The following EIF2A variants were observed in gnomAD, a reference collection of about 807,000 sequenced individuals.
EIF2A encodes the protein 65 kDa eukaryotic translation initiation factor 2A.
EIF2A carries 62 observed loss-of-function variants against 75.2 expected under a neutral mutation model. The ratio of observed to expected loss-of-function variants is 0.82; its 90% CI spans 0.67 to 1.02. EIF2A has a LOEUF of 1.02. Ranked by LOEUF, EIF2A falls within the 50% of genes least tolerant of loss-of-function variation. The probability of loss-of-function intolerance (pLI) is 0.00; values close to 1 mark genes in which losing one functional copy is unlikely to be tolerated. For synonymous variants in EIF2A, 207 were observed against 239.0 expected, an observed-to-expected ratio of 0.87 and a Z score of 1.23; for missense variants, 611 against 677.7, an observed-to-expected ratio of 0.90 and a Z score of 1.09.
chr3:150,546,811 G>A lies in EIF2A; in HGVS notation c.9G>A (p.Pro3=), dbSNP rs749230981. 2 of 1,612,428 alleles carry A rather than the reference G, an allele frequency of 1.2e-6. No homozygotes were observed. Among genetic ancestry groups the A allele is most frequent in the Admixed American group, 1.7e-5 (1 of 60,036 alleles). The stretch of plus-strand genomic sequence containing the variant: ...TCTCTTTCCGGGACAACATGGCGCC[G>A]TCCACGCCGCTCTTGACAGGTGAGT... The part of the protein sequence containing the change: MA[P]STPLLTVRGS... Residue 3 remains proline (P), a synonymous_variant, in exon 1 of 14, where the codon CCG becomes CCA. Coordinates refer to ENST00000460851, the MANE Select transcript of EIF2A (RefSeq NM_032025.5).
intron 6 of EIF2A, chr3:150,565,049 CTCTA>C (rs1395318010): frequency 2.2e-5 from 8 of 369,588 alleles, no homozygotes; most frequent in African/African-American, 1.3e-4. Flanking sequence ...TAAGTTCCCA[CTCTA>C]TCTGTTATTT....
intron 3 of EIF2A, among the ~76,000 whole-genome samples, chr3:150,562,160 C>G (rs925846868): frequency 6.6e-6 from 1 of 151,982 alleles, no homozygotes; most frequent in African/African-American, 2.4e-5. Context: ...TGGTGGCTCA[C>G]GCCTGTAATC....
chr3:150,553,247 C>A (rs993091640), intron 2 of EIF2A, among the ~76,000 whole-genome samples: 2 of 151,096 alleles, frequency 1.3e-5, no homozygotes, highest in Non-Finnish European at 2.9e-5. Context: ...CGCTTGAAAC[C>A]CGGAGGTGGA....
Position 150,571,963 on chromosome 3 carries a change from A to C in EIF2A, c.817A>C (p.Asn273His), listed in dbSNP as rs755744018. 99 of 1,595,592 alleles carry C rather than the reference A, an allele frequency of 6.2e-5. No homozygotes were observed. The highest frequency in any genetic ancestry group is 8.0e-5 in the Non-Finnish European group (94 of 1,173,050). Reference protein sequence around the residue: ...GESAVVQLPKNGPIYDVVWNS... With the variant: ...GESAVVQLPKHGPIYDVVWNS... ...GCTTTATATTCTTTTTCTAGCAAAA[A>C]ATGGCCCCATTTATGATGTAGTTTG... Residue 273 changes from asparagine (N) to histidine (H), a missense_variant, in exon 10 of 14, where the codon AAT becomes CAT. Physicochemically the swap from Asn to His is moderately conservative, Grantham distance 68. Transcript: ENST00000460851.
At chr3:150,559,249 T>A (rs1205608345) in intron 3 of EIF2A, among the ~76,000 whole-genome samples, 1 of 152,220 alleles carries the variant, frequency 6.6e-6, no homozygotes, top group Non-Finnish European at 1.5e-5. Context: ...ACTTGCTTTT[T>A]AAAAATTGAC....
Position 150,584,903 on chromosome 3 carries a change from G to A in EIF2A, c.*992G>A, listed in dbSNP as rs1725386976. On this transcript the variant is annotated 3_prime_UTR_variant, in exon 14 of 14. Coordinates refer to ENST00000460851, the MANE Select transcript of EIF2A (RefSeq NM_032025.5). ...TTTTTCTAATTCAAAAAATACAAAG[G>A]CATGCAATGAAAATTAAGTCTGTTC... 6.6e-6 allele frequency among the ~76,000 whole-genome samples: 1 copy of A among 151,320 alleles called. No homozygotes were observed.
intron 10 of EIF2A, among the ~76,000 whole-genome samples, chr3:150,572,874 A>C (rs1026670129): frequency 1.3e-4 from 19 of 148,368 alleles, no homozygotes; most frequent in Non-Finnish European, 2.1e-4. Flanking sequence ...AAAAAAAAAC[A>C]ACCTTTCTCT....
chr3:150,583,220 A>G lies in EIF2A; in HGVS notation c.1647A>G (p.Gln549=). Residue 549 remains glutamine (Q), a synonymous_variant, in exon 13 of 14, where the codon CAA becomes CAG. Transcript: ENST00000460851. ...NLKKKLKAIE[Q]LKEQAATGKQ... is the part of the protein sequence containing the mutation. ...TGCAGAAACTGAAAGCAATCGAACA[A>G]CTGAAAGAACAAGCAGCAACTGGAA... 3 of 1,612,988 alleles carry G rather than the reference A, an allele frequency of 1.9e-6. No homozygotes were observed. The African/African-American group carries it at 4.0e-5, about 22-fold the overall frequency.
At chr3:150,556,442 G>T (rs181904824) in intron 2 of EIF2A, among the ~76,000 whole-genome samples, 9 of 152,216 alleles carry the variant, frequency 5.9e-5, no homozygotes, top group African/African-American at 2.2e-4. Flanking sequence ...CCAAGTATTG[G>T]GTATTAAATG....
rs143255057 is a variant in EIF2A at position 150,569,720 on chromosome 3, C to T, written c.811+1428C>T. ...ATCCTAGCTACTCGGGAGGCTGAGG[C>T]ATGAGAATTGCTTGAACCCAGGAGT... On this transcript the variant is annotated intron_variant, in intron 9 of 13. Transcript: ENST00000460851. 1.2e-3 allele frequency among the ~76,000 whole-genome samples: 189 copies of T among 151,876 alleles called. 2 individuals are homozygous for T. The highest frequency in any genetic ancestry group is 0.01 in the East Asian group (54 of 5,154).
At chr3:150,580,957 TA>T (rs964928617) in intron 11 of EIF2A, among the ~76,000 whole-genome samples, 4 of 152,210 alleles carry the variant, frequency 2.6e-5, no homozygotes, top group Non-Finnish European at 5.9e-5. Flanking sequence ...ATTTTCCATG[TA>T]ATATTTTTGG....
chr3:150,555,083 A>T (rs1190453221), intron 2 of EIF2A, among the ~76,000 whole-genome samples: 1 of 151,936 alleles, frequency 6.6e-6, no homozygotes. Flanking sequence ...GCATGCCACC[A>T]TGCCTGGCTA....
rs569901741 is a variant in EIF2A, at chr3:150,561,935, T to C, written c.174-607T>C. 7.9e-5 allele frequency among the ~76,000 whole-genome samples: 12 copies of C among 151,800 alleles called. No individual in the cohort carries two copies. In the South Asian group the frequency reaches 1.9e-3, roughly 24 times the overall value. ...TGCCACGCCCGGCTAATTTTTGTAGTGTTAGTAGAGACAGAGGTTCTCCAT... is the reference window on the plus strand; with the variant it reads ...TGCCACGCCCGGCTAATTTTTGTAGCGTTAGTAGAGACAGAGGTTCTCCAT... On this transcript the variant is annotated intron_variant, in intron 3 of 13. Coordinates refer to ENST00000460851, the MANE Select transcript of EIF2A (RefSeq NM_032025.5).
At chr3:150,552,217 C>T in intron 1 of EIF2A, 139 bp from the exon 2 acceptor site, 1 of 672,038 alleles carries the variant, frequency 1.5e-6, no homozygotes, top group South Asian at 1.9e-5. Context: ...CCTTTTGTTG[C>T]TAATATTCTA....
chr3:150,570,876 G>A (rs1380330303), intron 9 of EIF2A, among the ~76,000 whole-genome samples: 1 of 151,746 alleles, frequency 6.6e-6, no homozygotes, highest in African/African-American at 2.4e-5. Flanking sequence ...AAACCAGCCT[G>A]ACCAACATGG....
chr3:150,575,520 A>C lies in EIF2A; in HGVS notation c.1384-129A>C. ...GTGTGCCACTACCAATGAGTTTCAA[A>C]ATAATCTTTGCTAATGATCTTAAAT... On this transcript the variant is annotated intron_variant, in intron 10 of 13. Coordinates refer to ENST00000460851, the MANE Select transcript of EIF2A (RefSeq NM_032025.5). 4 of 730,888 alleles carry C rather than the reference A, an allele frequency of 5.5e-6. No individual in the cohort carries two copies. The Admixed American group carries it at 1.0e-4, about 19-fold the overall frequency. 45.3% of individuals were successfully genotyped at this position (730,888 alleles called of 1,614,324 possible).
rs370776963 is a variant in EIF2A, at chr3:150,562,670, T to G, written c.292+10T>G. 7.1e-5 allele frequency: 113 copies of G among 1,599,160 alleles called. No homozygotes were observed. In the African/African-American group the frequency reaches 1.4e-3, roughly 19 times the overall value. The stretch of plus-strand genomic sequence containing the variant: ...TGGCAGCCTTACACTAGTAAGTATT[T>G]TCTCAGTGTAAAAATACTCTGACAC... On this transcript the variant is annotated intron_variant, in intron 4 of 13. Coordinates refer to ENST00000460851, the MANE Select transcript of EIF2A (RefSeq NM_032025.5).
At chr3:150,575,892 C>A (rs1450521154) in intron 11 of EIF2A, 130 bp downstream of exon 11, 4 of 704,472 alleles carry the variant, frequency 5.7e-6, no homozygotes, top group Non-Finnish European at 9.0e-6. Context: ...AGTTCAAGAC[C>A]AGACTGGCCA....
At chr3:150,558,006 G>A (rs1441886496) in intron 2 of EIF2A, among the ~76,000 whole-genome samples, 2 of 152,074 alleles carry the variant, frequency 1.3e-5, no homozygotes, top group Admixed American at 1.3e-4. Context: ...TCTTCACTTC[G>A]GAGATACAGT....
Sources: allele counts gnomAD v4.1 joint callset (sites outside exome capture counted in the v4.1 genomes callset), GRCh38; gene constraint gnomAD v4.1.1; transcripts MANE v1.5; gene names NCBI Gene and HGNC (gene_info 2026-07-23, HGNC 2026-07-21).